The following MIR2052HG variants were observed in gnomAD, a reference collection of about 807,000 sequenced individuals.
MIR2052HG encodes MIR2052 host gene.
At chr8:74,668,081 G>T (rs549621743) in intron 2 of MIR2052HG, among the ~76,000 whole-genome samples, 2 of 151,320 alleles carry the variant, frequency 1.3e-5, no homozygotes, top group Non-Finnish European at 1.5e-5. Context: ...CATGACCTGA[G>T]GTGGGGGCTA....
intron 5 of MIR2052HG, among the ~76,000 whole-genome samples, chr8:74,753,113 C>T (rs1012618253): frequency 1.3e-5 from 2 of 152,170 alleles, no homozygotes; most frequent in Non-Finnish European, 2.9e-5. Flanking sequence ...ACTAGGTTAG[C>T]TCTACTAGCT....
chr8:74,724,193 T>C (rs1353565632), intron 4 of MIR2052HG, among the ~76,000 whole-genome samples: 1 of 152,194 alleles, frequency 6.6e-6, no homozygotes, highest in African/African-American at 2.4e-5. Context: ...ATTTGTCATT[T>C]TTCATATTTA....
At chr8:74,730,875 C>G (rs898980519) in intron 4 of MIR2052HG, among the ~76,000 whole-genome samples, 1 of 152,092 alleles carries the variant, frequency 6.6e-6, no homozygotes. Flanking sequence ...AGAATATATA[C>G]AGGATCTTGG....
At chr8:74,737,721 C>T (rs966951419) in intron 4 of MIR2052HG, among the ~76,000 whole-genome samples, 2 of 152,176 alleles carry the variant, frequency 1.3e-5, no homozygotes, top group Non-Finnish European at 2.9e-5. Flanking sequence ...ATTTTGTGCT[C>T]ACATTCTTAA....
intron 4 of MIR2052HG, among the ~76,000 whole-genome samples, chr8:74,733,049 CATTTATTTATTTATTTATTT>C (rs71565409): frequency 1.3e-5 from 2 of 148,940 alleles, no homozygotes; most frequent in East Asian, 2.0e-4. Flanking sequence ...AATTAGGAGA[CATTTATTTATTTATTTATTT>C]ATTTATTTAT....
rs560648357 is a variant in MIR2052HG, at chr8:74,656,454, T to C, written n.216+43514T>C. ...AGTCTTTCCTGTACTATTCTTGTGA[T>C]AGTGAATAAGTCTCACGAGATCTGA... On this transcript the variant is annotated intron_variant and non_coding_transcript_variant, in intron 2 of 6. Coordinates refer to ENST00000523442, the Ensembl canonical transcript of MIR2052HG. Among the ~76,000 whole-genome samples the C allele has an allele frequency of 1.6e-4, 25 of 152,294 alleles. 1 individual carries two copies. Among genetic ancestry groups the C allele is most frequent in the African/African-American group, 6.0e-4 (25 of 41,572 alleles).
At chr8:74,643,243 G>A (rs1019052375) in intron 2 of MIR2052HG, among the ~76,000 whole-genome samples, 2 of 152,150 alleles carry the variant, frequency 1.3e-5, no homozygotes, top group Admixed American at 6.5e-5. Flanking sequence ...TACCAGCTCT[G>A]CCCTGAACAA....
At chr8:74,753,270 A>G (rs1809966653) in intron 5 of MIR2052HG, among the ~76,000 whole-genome samples, 2 of 152,214 alleles carry the variant, frequency 1.3e-5, no homozygotes, top group South Asian at 4.1e-4. Context: ...TTGAGTGTAG[A>G]TGTGGGCTGC....
At chr8:74,603,355 A>C in intron 1 of MIR2052HG, 1 of 1,611,212 alleles carries the variant, frequency 6.2e-7, no homozygotes, top group Non-Finnish European at 8.5e-7. Flanking sequence ...AGCCAGGCTA[A>C]TGCTGGCAGC....
At chr8:74,717,225 C>T (rs1236136166) in intron 4 of MIR2052HG, among the ~76,000 whole-genome samples, 1 of 151,726 alleles carries the variant, frequency 6.6e-6, no homozygotes, top group Non-Finnish European at 1.5e-5. Flanking sequence ...TCTTATTGTT[C>T]ACCTCCCACT....
chr8:74,601,253 A>G (rs1345798327), intron 1 of MIR2052HG, among the ~76,000 whole-genome samples: 2 of 152,208 alleles, frequency 1.3e-5, no homozygotes, highest in Admixed American at 6.5e-5. Flanking sequence ...TTCAAGCTTT[A>G]TCAAATTTAT....
At chr8:74,699,400 A>ATG (rs753372402) in intron 2 of MIR2052HG, among the ~76,000 whole-genome samples, 63 of 124,474 alleles carry the variant, frequency 5.1e-4, no homozygotes, top group South Asian at 1.6e-3. Flanking sequence ...TAGTATGTGT[A>ATG]TGTGTGTGTG....
intron 2 of MIR2052HG, among the ~76,000 whole-genome samples, chr8:74,664,970 T>C (rs1808906552): frequency 6.6e-6 from 1 of 152,346 alleles, no homozygotes. Context: ...TCTCCTGGTT[T>C]TCTCAAGAAA....
At chr8:74,734,130 A>G (rs558755960) in intron 4 of MIR2052HG, among the ~76,000 whole-genome samples, 1 of 152,302 alleles carries the variant, frequency 6.6e-6, no homozygotes, top group South Asian at 2.1e-4. Flanking sequence ...ACTCAAACAA[A>G]TTTACAAGGA....
intron 2 of MIR2052HG, among the ~76,000 whole-genome samples, chr8:74,684,763 T>C (rs187367656): frequency 4.6e-5 from 7 of 152,290 alleles, no homozygotes; most frequent in African/African-American, 1.7e-4. Context: ...GATTTACATA[T>C]ACTTTAGAGT....
intron 2 of MIR2052HG, among the ~76,000 whole-genome samples, chr8:74,696,928 C>T (rs1199646043): frequency 6.6e-6 from 1 of 151,882 alleles, no homozygotes; most frequent in Non-Finnish European, 1.5e-5. Flanking sequence ...TGACACTATT[C>T]CACGAGATAG....
chr8:74,617,459 GTGTGTGT>G (rs1563513761), intron 2 of MIR2052HG, among the ~76,000 whole-genome samples: 24 of 20,718 alleles, frequency 1.2e-3, no homozygotes, highest in African/African-American at 2.2e-3. Context: ...TCCATTGGGT[GTGTGTGT>G]GTGTGTGTGT....
chr8:74,661,577 A>T (rs1363230856), intron 2 of MIR2052HG, among the ~76,000 whole-genome samples: 1 of 152,186 alleles, frequency 6.6e-6, no homozygotes, highest in African/African-American at 2.4e-5. Flanking sequence ...CAAGAGGTTC[A>T]TTGCACATTT....
chr8:74,604,726 T>C (rs1808086845), intron 1 of MIR2052HG, among the ~76,000 whole-genome samples: 1 of 151,144 alleles, frequency 6.6e-6, no homozygotes, highest in South Asian at 2.1e-4. Flanking sequence ...CCCTAGTAGC[T>C]GGGATTACAG....
Sources: gnomAD v4.1 joint callset for allele counts (sites outside exome capture counted in the v4.1 genomes callset) on GRCh38, gnomAD v4.1.1 for gene constraint, MANE v1.5 for transcripts, NCBI Gene and HGNC (gene_info 2026-07-23, HGNC 2026-07-21) for gene names.